Variants in PLPPR1 observed in about 807,000 individuals in gnomAD.
PLPPR1 encodes phospholipid phosphatase-related protein type 1.
In PLPPR1, 10 loss-of-function variants were observed where a neutral mutation model predicts 33.1. The observed-to-expected ratio is 0.30, with a 90% CI of 0.19 to 0.51. The LOEUF (loss-of-function observed/expected upper bound fraction) is 0.51. Ranked by LOEUF, PLPPR1 falls within the 20% of genes least tolerant of loss-of-function variation. The pLI is 0.97. For missense variants in PLPPR1, 304 were observed against 408.1 expected (o/e 0.74, Z 2.20); for synonymous variants, 151 against 151.0 (o/e 1.00, Z 0.00).
At chr9:101,069,333 A>C (rs1410408382) in intron 1 of PLPPR1, among the ~76,000 whole-genome samples, 6 of 152,100 alleles carry the variant, frequency 3.9e-5, no homozygotes, top group Non-Finnish European at 1.5e-5. Context: ...AACTTTCCCA[A>C]GATCAAGTAA....
At chr9:101,302,929 G>C (rs1015849353) in intron 4 of PLPPR1, among the ~76,000 whole-genome samples, 1 of 152,128 alleles carries the variant, frequency 6.6e-6, no homozygotes, top group African/African-American at 2.4e-5. Flanking sequence ...TCACGACATC[G>C]TTTTACCATA....
chr9:101,146,663 A>G (rs1296414695), intron 1 of PLPPR1, among the ~76,000 whole-genome samples: 1 of 152,220 alleles, frequency 6.6e-6, no homozygotes, highest in East Asian at 1.9e-4. Flanking sequence ...CTCCCCAGTA[A>G]GGGCCTAAGA....
chr9:101,125,201 A>G (rs1362947062), intron 1 of PLPPR1, among the ~76,000 whole-genome samples: 1 of 151,860 alleles, frequency 6.6e-6, no homozygotes, highest in African/African-American at 2.4e-5. Context: ...ATCTATCCCT[A>G]TCTGTCCCTG....
chr9:101,133,606 G>A (rs1831342271), intron 1 of PLPPR1, among the ~76,000 whole-genome samples: 1 of 152,190 alleles, frequency 6.6e-6, no homozygotes, highest in South Asian at 2.1e-4. Flanking sequence ...ATATACAGGT[G>A]CTTAGTGTAT....
intron 1 of PLPPR1, among the ~76,000 whole-genome samples, chr9:101,127,675 T>A (rs1289766272): frequency 2.0e-5 from 3 of 152,106 alleles, no homozygotes; most frequent in Non-Finnish European, 4.4e-5. Context: ...CTACGAGGGA[T>A]TTTATGCCCT....
At chr9:101,293,144 G>T (rs1828550949) in intron 4 of PLPPR1, among the ~76,000 whole-genome samples, 1 of 151,794 alleles carries the variant, frequency 6.6e-6, no homozygotes, top group Non-Finnish European at 1.5e-5. Flanking sequence ...AAAGGCAGGG[G>T]TTGCAATCCT....
At chr9:101,169,591 G>T (rs955986002) in intron 1 of PLPPR1, among the ~76,000 whole-genome samples, 2 of 151,888 alleles carry the variant, frequency 1.3e-5, no homozygotes, top group African/African-American at 4.8e-5. Context: ...CATCATTCTT[G>T]TTCTTATTGT....
Position 101,099,034 on chromosome 9 carries a change from G to A in PLPPR1, c.-46+69932G>A, listed in dbSNP as rs559071317. Among the ~76,000 whole-genome samples the A allele has an allele frequency of 6.6e-5, 10 of 151,348 alleles. No homozygotes were observed. The East Asian group carries it at 7.8e-4, about 12-fold the overall frequency. ...ACCAATTACTAGTTCTTTGACTCTC[G>A]GAAAGTCACTCAATCCCTCTAAACC... On this transcript the variant is annotated intron_variant, in intron 1 of 7. Coordinates refer to ENST00000374874, the MANE Select transcript of PLPPR1 (RefSeq NM_207299.2).
chr9:101,203,799 GACAA>G (rs1260263178), intron 2 of PLPPR1, among the ~76,000 whole-genome samples: 4 of 106,220 alleles, frequency 3.8e-5, no homozygotes, highest in African/African-American at 1.3e-4. Context: ...AAAATTAAAA[GACAA>G]ATTTTATGGC....
chr9:101,083,350 GCA>G (rs1830642660), intron 1 of PLPPR1, among the ~76,000 whole-genome samples: 1 of 144,304 alleles, frequency 6.9e-6, no homozygotes, highest in African/African-American at 2.6e-5. Flanking sequence ...TCGTGCCAAT[GCA>G]CTCCAGCCTG....
At chr9:101,187,105 AAGTT>A (rs772856970) in intron 2 of PLPPR1, among the ~76,000 whole-genome samples, 70 of 152,050 alleles carry the variant, frequency 4.6e-4, no homozygotes, top group Admixed American at 1.3e-3. Context: ...TTATGCGAAA[AAGTT>A]AGAAGGTAAA....
At chr9:101,051,401 G>A (rs1830221487) in intron 1 of PLPPR1, among the ~76,000 whole-genome samples, 1 of 151,856 alleles carries the variant, frequency 6.6e-6, no homozygotes, top group Non-Finnish European at 1.5e-5. Context: ...CTTTATTCTG[G>A]CACTCAATAT....
At chr9:101,040,789 CCTT>C (rs1479304883) in intron 1 of PLPPR1, among the ~76,000 whole-genome samples, 1 of 152,080 alleles carries the variant, frequency 6.6e-6, no homozygotes, top group African/African-American at 2.4e-5. Flanking sequence ...TGACCGGCCT[CCTT>C]CTACTATGTA....
intron 2 of PLPPR1, among the ~76,000 whole-genome samples, chr9:101,232,065 T>C (rs952688393): frequency 2.0e-5 from 3 of 152,120 alleles, no homozygotes; most frequent in African/African-American, 7.2e-5. Context: ...CAGAAGCATA[T>C]TGCCGTGGAA....
intron 2 of PLPPR1, among the ~76,000 whole-genome samples, chr9:101,234,595 C>A (rs1827260282): frequency 6.6e-6 from 1 of 151,556 alleles, no homozygotes; most frequent in Non-Finnish European, 1.5e-5. Context: ...GCTATAAGGG[C>A]TTAAGTTGAG....
intron 1 of PLPPR1, among the ~76,000 whole-genome samples, chr9:101,058,414 G>A (rs1215485537): frequency 6.6e-6 from 1 of 152,084 alleles, no homozygotes; most frequent in Non-Finnish European, 1.5e-5. Context: ...GATGGGGCAG[G>A]AGACAGTGAA....
chr9:101,210,087 T>G (rs1395485552), intron 2 of PLPPR1, among the ~76,000 whole-genome samples: 1 of 152,256 alleles, frequency 6.6e-6, no homozygotes, highest in African/African-American at 2.4e-5. Flanking sequence ...CATTTTTTTA[T>G]GTCCTGATAA....
chr9:101,285,991 C>T (rs1433231742), intron 3 of PLPPR1, 113 bp from the exon 4 acceptor site: 2 of 762,006 alleles, frequency 2.6e-6, no homozygotes, highest in African/African-American at 3.5e-5. Context: ...CTCTCTCCAA[C>T]ATCTTTTAAA....
intron 1 of PLPPR1, among the ~76,000 whole-genome samples, chr9:101,147,107 C>A (rs558534133): frequency 5.3e-4 from 80 of 152,218 alleles, no homozygotes; most frequent in Non-Finnish European, 9.7e-4. Context: ...AGGTCCTGTG[C>A]TTGGAATTAC....
Sources: gnomAD v4.1 joint callset for allele counts (sites outside exome capture counted in the v4.1 genomes callset) on GRCh38, gnomAD v4.1.1 for gene constraint, MANE v1.5 for transcripts, NCBI Gene and HGNC (gene_info 2026-07-23, HGNC 2026-07-21) for gene names.